Variants in WDR37 observed in about 807,000 individuals in gnomAD.
WDR37 encodes the protein WD repeat-containing protein 37.
A neutral mutation model predicts 62.9 loss-of-function variants in WDR37; 19 were observed. The ratio of observed to expected loss-of-function variants is 0.30; its 90% CI spans 0.21 to 0.44. WDR37 has a LOEUF of 0.44. Ranked by LOEUF, WDR37 falls within the 20% of genes least tolerant of loss-of-function variation. The pLI is 1.00. For synonymous variants in WDR37, 250 were observed against 260.9 expected (o/e 0.96, Z 0.40); for missense variants, 474 against 657.6 (o/e 0.72, Z 3.05).
At chr10:1,095,684 C>A (rs1589103318) in intron 8 of WDR37, among the ~76,000 whole-genome samples, 1 of 152,174 alleles carries the variant, frequency 6.6e-6, no homozygotes, top group Admixed American at 6.5e-5. Context: ...CGTTTCCTCG[C>A]AAACTGGCTG....
intron 1 of WDR37, among the ~76,000 whole-genome samples, chr10:1,068,355 C>CCTGTAGTCTCAGCCACTCGGGAGG (rs755345670): frequency 8.7e-6 from 1 of 115,412 alleles, no homozygotes; most frequent in African/African-American, 3.5e-5. Flanking sequence ...GTGGCGGGCG[C>CCTGTAGTCTCAGCCACTCGGGAGG]CTGAGGCAGG....
chr10:1,071,519 G>T (rs80141980), intron 1 of WDR37, among the ~76,000 whole-genome samples: 12,587 of 152,238 alleles, frequency 0.083, 658 homozygotes, highest in East Asian at 0.14. Flanking sequence ...TTAAATTAGA[G>T]ATTTGAATAA....
At chr10:1,086,443 C>A (rs1427924629) in intron 7 of WDR37, 86 bp downstream of exon 7, 1 of 1,075,236 alleles carries the variant, frequency 9.3e-7, no homozygotes, top group Non-Finnish European at 1.4e-6. Context: ...AAGCCAGCTG[C>A]TACTGTGTAG....
chr10:1,128,864 G>A (rs1589130397), intron 13 of WDR37, among the ~76,000 whole-genome samples: 1 of 151,652 alleles, frequency 6.6e-6, no homozygotes, highest in South Asian at 2.1e-4. Context: ...GTCCATGCTC[G>A]GCGGTCCATG....
chr10:1,104,213 A>C (rs1466949679), intron 10 of WDR37, among the ~76,000 whole-genome samples: 1 of 152,202 alleles, frequency 6.6e-6, no homozygotes, highest in South Asian at 2.1e-4. Context: ...GGGCCCTCAA[A>C]GACCTAAGTG....
chr10:1,093,434 C>A lies in WDR37; in HGVS notation c.605-18C>A. On this transcript the variant is annotated intron_variant, in intron 7 of 13. Coordinates refer to ENST00000263150, the MANE Select transcript of WDR37 (RefSeq NM_014023.4). ...TTTGTCACTTTAAACCTGTTTTTAT[C>A]ATATTTTTATTTTGCAGTAAATTCT... 1.9e-6 allele frequency: 3 copies of A among 1,599,836 alleles called. No individual in the cohort carries two copies. The highest frequency in any genetic ancestry group is 2.6e-6 in the Non-Finnish European group (3 of 1,171,498).
intron 5 of WDR37, among the ~76,000 whole-genome samples, chr10:1,081,457 A>G (rs1402570777): frequency 6.6e-6 from 1 of 152,200 alleles, no homozygotes; most frequent in Non-Finnish European, 1.5e-5. Context: ...TTGAGTTTAA[A>G]GTTAATTTAG....
At position 1,105,294 on chromosome 10, in the gene WDR37, T is replaced by C. The variant is rs763183017; in HGVS notation, c.1103+27T>C. On this transcript the variant is annotated intron_variant, in intron 11 of 13. Coordinates refer to ENST00000263150, the MANE Select transcript of WDR37 (RefSeq NM_014023.4). This position sits in a 1 kb window ranked among gnomAD's most constrained non-coding sequence, Gnocchi z 5.3. ...TGAGTTGCGGTAGTTTAGACATCTGTCCTTAGTCATGAAAAAGTTCTGTGG... is the reference window on the plus strand; with the variant it reads ...TGAGTTGCGGTAGTTTAGACATCTGCCCTTAGTCATGAAAAAGTTCTGTGG... 1 of 1,597,050 alleles carries C rather than the reference T, an allele frequency of 6.3e-7. No individual in the cohort carries two copies.
chr10:1,099,948 A>G (rs868411966), intron 9 of WDR37, among the ~76,000 whole-genome samples: 7 of 128,030 alleles, frequency 5.5e-5, no homozygotes, highest in African/African-American at 1.8e-4. Flanking sequence ...GAAATTCAAA[A>G]TGTGCACTGA....
In WDR37 at chr10:1,130,008, A is replaced by G. The variant is rs1835919953; in HGVS notation, c.*664A>G. Reference sequence around the variant, plus strand: ...AATCATTTCAGTCTCCCGAGGTCTCATGCTAGCAAATTTTGAAATAGGATT... The same window carrying G: ...AATCATTTCAGTCTCCCGAGGTCTCGTGCTAGCAAATTTTGAAATAGGATT... On this transcript the variant is annotated 3_prime_UTR_variant, in exon 14 of 14. Coordinates refer to ENST00000263150, the MANE Select transcript of WDR37 (RefSeq NM_014023.4). 1 of 152,668 alleles carries G rather than the reference A, an allele frequency of 6.6e-6. No individual in the cohort carries two copies. The highest frequency in any genetic ancestry group is 6.5e-5 in the Admixed American group (1 of 15,292). 9.5% of individuals were successfully genotyped at this position (152,668 alleles called of 1,614,324 possible).
chr10:1,069,033 T>C (rs1405928538), intron 1 of WDR37, among the ~76,000 whole-genome samples: 1 of 152,124 alleles, frequency 6.6e-6, no homozygotes, highest in Non-Finnish European at 1.5e-5. Context: ...TGCCTAGGGC[T>C]AGCTGGGAAG....
At chr10:1,123,760 C>G (rs1032729650) in intron 11 of WDR37, 3 of 152,986 alleles carry the variant, frequency 2.0e-5, no homozygotes, top group African/African-American at 4.8e-5. Context: ...GTGTTTTTCT[C>G]TTAACTCCTG....
At chr10:1,096,353 T>G (rs1197601489) in intron 9 of WDR37, 107 bp downstream of exon 9, 2 of 1,308,794 alleles carry the variant, frequency 1.5e-6, no homozygotes, top group Admixed American at 3.5e-5. Flanking sequence ...CCCCCCAAGT[T>G]CAGTGTTGAA....
chr10:1,124,402 A>G, intron 12 of WDR37, 50 bp downstream of exon 12: 1 of 1,608,052 alleles, frequency 6.2e-7, no homozygotes, highest in East Asian at 2.2e-5. Context: ...ATGTGAAAGG[A>G]TTGATTGTGA....
intron 11 of WDR37, among the ~76,000 whole-genome samples, chr10:1,108,404 G>C (rs1036808220): frequency 6.6e-6 from 1 of 152,094 alleles, no homozygotes; most frequent in Non-Finnish European, 1.5e-5. Flanking sequence ...TTTTTCTTAT[G>C]ACTTCCTTTA....
At chr10:1,124,881 C>G (rs748318258) in intron 12 of WDR37, 29 bp from the exon 13 acceptor site, 4 of 1,611,910 alleles carry the variant, frequency 2.5e-6, no homozygotes, top group Non-Finnish European at 3.4e-6. Flanking sequence ...CTGTTTCATG[C>G]ACAACCCACT....
chr10:1,058,877 AT>A (rs1198312106), intron 1 of WDR37, among the ~76,000 whole-genome samples: 1 of 152,190 alleles, frequency 6.6e-6, no homozygotes, highest in East Asian at 1.9e-4. Context: ...ATTTTATGCA[AT>A]TTTCAATTTA....
At chr10:1,111,912 T>A (rs1018601001) in intron 11 of WDR37, among the ~76,000 whole-genome samples, 1 of 152,166 alleles carries the variant, frequency 6.6e-6, no homozygotes, top group East Asian at 1.9e-4. Flanking sequence ...TCTCTTTTTT[T>A]TTTTTGTGAG....
At chr10:1,118,672 C>T (rs996433094) in intron 11 of WDR37, among the ~76,000 whole-genome samples, 3 of 152,100 alleles carry the variant, frequency 2.0e-5, no homozygotes, top group African/African-American at 4.8e-5. Flanking sequence ...TTGGAGAGCA[C>T]GATGTTCCAC....
Sources: allele counts gnomAD v4.1 joint callset (sites outside exome capture counted in the v4.1 genomes callset), GRCh38; gene constraint gnomAD v4.1.1; non-coding constraint Gnocchi (gnomAD v3.1); transcripts MANE v1.5; gene names NCBI Gene and HGNC (gene_info 2026-07-23, HGNC 2026-07-21).